CRYBG2: variants seen among roughly 807,000 people sequenced by gnomAD.
The protein encoded by CRYBG2 is beta/gamma crystallin domain-containing protein 2.
Under a neutral mutation model 153.4 loss-of-function variants are expected in CRYBG2, and 106 were observed. That is an observed-to-expected ratio of 0.69 (90% CI 0.59 to 0.81). CRYBG2 has a LOEUF of 0.81. CRYBG2 is among the 30% of genes least tolerant of loss of function. The pLI, the probability that CRYBG2 is intolerant of heterozygous loss-of-function variation, is 0.00. For missense variants in CRYBG2, 1,996 were observed against 2,112.0 expected (o/e 0.95, Z 1.08); for synonymous variants, 851 against 877.8 (o/e 0.97, Z 0.54).
chr1:26,323,218 C>CTA (rs2073881358), intron 18 of CRYBG2, among the ~76,000 whole-genome samples: 1 of 151,930 alleles, frequency 6.6e-6, no homozygotes, highest in East Asian at 1.9e-4. Context: ...GTAGCTGGGA[C>CTA]TACAGGTGCA....
chr1:26,345,511 G>A lies in CRYBG2; in HGVS notation c.1147C>T (p.Leu383Phe), dbSNP rs367765293. The change falls in exon 2 of 20, where the codon CTC becomes TTC. Residue 383 changes from leucine (L) to phenylalanine (F), a missense_variant. Physicochemically the swap from Leu to Phe is conservative, Grantham distance 22 (BLOSUM62 0). Coordinates refer to ENST00000308182, the MANE Select transcript of CRYBG2 (RefSeq NM_001039775.4). ...PVVPTHPGAR[L>F]TPLVLPPKKK... ...TTAGGGGGCAGAACAAGGGGAGTGA[G>A]CCGGGCCCCGGGGTGAGTGGGCACC... 16 of 1,594,870 alleles carry A rather than the reference G, an allele frequency of 1.0e-5. No homozygotes were observed. In the African/African-American group the frequency reaches 2.1e-4, roughly 21 times the overall value.
At chr1:26,337,034 G>A in intron 10 of CRYBG2, 54 bp from the exon 11 acceptor site, 1 of 1,603,882 alleles carries the variant, frequency 6.2e-7, no homozygotes, top group Non-Finnish European at 8.5e-7. Flanking sequence ...AAACCCCTGG[G>A]AGTGCCCAGA....
intron 7 of CRYBG2, 151 bp downstream of exon 7, chr1:26,338,200 C>T: frequency 3.5e-6 from 5 of 1,408,838 alleles, no homozygotes; most frequent in Non-Finnish European, 4.8e-6. Flanking sequence ...CTCCCACTCC[C>T]ATTCCCAATA....
chr1:26,336,651 C>T lies in CRYBG2; in HGVS notation c.3993G>A (p.Trp1331Ter). The T allele has an allele frequency of 3.2e-6, 5 of 1,552,094 alleles. No individual in the cohort carries two copies. The South Asian group carries it at 5.9e-5, about 18-fold the overall frequency. Residue 1331 changes from tryptophan to a stop codon, truncating the protein, a stop_gained, in exon 12 of 20, where the codon TGG becomes TGA. Transcript: ENST00000308182. LOFTEE classifies it high-confidence loss of function. The surrounding 1 kb of genome is among the most constrained non-coding windows in gnomAD (Gnocchi z 4.9). The part of the protein sequence containing the change: ...EKGVYRNCED[W>*]GAGNSTLASL... ...AGGCGAGGGTGCTGTTGCCAGCGCC[C>T]CAGTCCTCGCAGTTACGATACACGC... is the stretch of plus-strand genomic sequence containing the variant.
rs139681994 is a variant in CRYBG2 at position 26,324,277 on chromosome 1, G to A, written c.4612C>T (p.Leu1538=). 24 of 1,610,752 alleles carry A rather than the reference G, an allele frequency of 1.5e-5. No homozygotes were observed. The African/African-American group carries it at 3.2e-4, about 21-fold the overall frequency. Residue 1538 remains leucine (L), a synonymous_variant, in exon 18 of 20, where the codon CTG becomes TTG. Coordinates refer to ENST00000308182, the MANE Select transcript of CRYBG2 (RefSeq NM_001039775.4). ...RVYFRLWNAA[L]GGFLAVPDHV... The stretch of plus-strand genomic sequence containing the variant: ...TCCGGCACTGCCAGGAATCCCCCCA[G>A]TGCTGCATTCCAGAGGCGGAAATAA...
Position 26,338,248 on chromosome 1 carries a change from T to C in CRYBG2, c.3471+103A>G, listed in dbSNP as rs1205184257. Reference sequence around the variant, plus strand: ...AAGCAGTCTCCAAGGGGTGCTGTTTTACACTTCATCCCCCATCCCTTCCCA... The same window carrying C: ...AAGCAGTCTCCAAGGGGTGCTGTTTCACACTTCATCCCCCATCCCTTCCCA... On this transcript the variant is annotated intron_variant, in intron 7 of 19. Transcript: ENST00000308182. The C allele has an allele frequency of 2.0e-6, 3 of 1,510,560 alleles. No individual in the cohort carries two copies. The African/African-American group carries it at 4.2e-5, about 21-fold the overall frequency. The allele number at this position is 1,510,560 out of a possible 1,614,324, so 93.6% of individuals were successfully genotyped here. A position where few individuals can be genotyped will look rare whatever the true frequency, so the allele number is the denominator to read the frequency against.
rs2074227522 is a variant in CRYBG2 at position 26,346,711 on chromosome 1, C to A, written c.-54G>T. 4.1e-6 allele frequency: 6 copies of A among 1,462,146 alleles called. No individual in the cohort carries two copies. Among genetic ancestry groups the A allele is most frequent in the Middle Eastern group, 1.8e-4 (1 of 5,472 alleles). The allele number at this position is 1,462,146 out of a possible 1,614,324, so 90.6% of individuals were successfully genotyped here. ...GTCCTTGTCCCACTGTGGTCCAGCT[C>A]CCTGCAGAGGAATAAGAAAGATGAG... On this transcript the variant is annotated splice_region_variant and 5_prime_UTR_variant, in exon 2 of 20. Transcript: ENST00000308182. The surrounding 1 kb of genome is among the most constrained non-coding windows in gnomAD (Gnocchi z 4.9).
In CRYBG2 at chr1:26,335,258, C is replaced by T. The variant is rs1394699706; in HGVS notation, c.4184+837G>A. 4.0e-5 allele frequency among the ~76,000 whole-genome samples: 6 copies of T among 148,904 alleles called. No homozygotes were observed. In the East Asian group the frequency reaches 1.2e-3, roughly 31 times the overall value. On this transcript the variant is annotated intron_variant, in intron 14 of 19. Transcript: ENST00000308182. ...TTGGGAGGCCGAGGTGGGCGGATCA[C>T]CTGATGTTGGGAATTCAACACCAGC...
In CRYBG2 at chr1:26,345,012, A is replaced by G. The variant is rs761219408; in HGVS notation, c.1646T>C (p.Val549Ala). The change falls in exon 2 of 20, where the codon GTG (valine) becomes GCG (alanine). Residue 549 changes from valine to alanine, a missense_variant. Val to Ala is a moderately conservative substitution (Grantham distance 64, BLOSUM62 0). Transcript: ENST00000308182. ...GGCAGCAGGAGCACCAGGGCCCTTCACAACCTCTTTCCAGGTGGGAAATGA... is the reference window on the plus strand; with the variant it reads ...GGCAGCAGGAGCACCAGGGCCCTTCGCAACCTCTTTCCAGGTGGGAAATGA... ...DASFPTWKEV[V>A]KGPGAPAASS... 8.2e-7 allele frequency: 1 copy of G among 1,218,680 alleles called. No homozygotes were observed. 75.5% of individuals were successfully genotyped at this position (1,218,680 alleles called of 1,614,324 possible).
intron 1 of CRYBG2, among the ~76,000 whole-genome samples, chr1:26,350,579 A>G (rs920961166): frequency 9.2e-5 from 14 of 152,148 alleles, no homozygotes; most frequent in Admixed American, 8.5e-4. Flanking sequence ...CCGAAACAAG[A>G]CTTGAACCCC....
intron 1 of CRYBG2, among the ~76,000 whole-genome samples, chr1:26,348,681 G>A (rs960958194): frequency 2.0e-5 from 3 of 151,846 alleles, no homozygotes; most frequent in Admixed American, 6.6e-5. Flanking sequence ...TCAGCCTCCC[G>A]AGTAGCTGGG....
chr1:26,348,435 C>G (rs6688186), intron 1 of CRYBG2, among the ~76,000 whole-genome samples: 29,790 of 151,986 alleles, frequency 0.2, 2,965 homozygotes, highest in South Asian at 0.23. Context: ...GTGGTGTGTG[C>G]CTGTAGCCCT....
intron 5 of CRYBG2, among the ~76,000 whole-genome samples, chr1:26,342,239 A>G (rs2074140237): frequency 6.6e-6 from 1 of 151,930 alleles, no homozygotes; most frequent in Admixed American, 6.6e-5. Flanking sequence ...AAACTTCCCC[A>G]GGCTGCTTTC....
chr1:26,337,149 G>C, intron 10 of CRYBG2, 104 bp downstream of exon 10: 1 of 1,566,740 alleles, frequency 6.4e-7, no homozygotes, highest in South Asian at 1.2e-5. Context: ...ACACTTACAG[G>C]GAGAACACGG....
At position 26,338,848 on chromosome 1, in the gene CRYBG2, G is replaced by A. The variant is rs537761817; in HGVS notation, c.3345-371C>T. On this transcript the variant is annotated intron_variant, in intron 6 of 19. Coordinates refer to ENST00000308182, the MANE Select transcript of CRYBG2 (RefSeq NM_001039775.4). ...ATGCTGGCTACACTGAAAATTTGAA[G>A]CTTAGCTGTCTCCTCTCTGGGCCTT... Among the ~76,000 whole-genome samples, 7 of 152,306 alleles carry A rather than the reference G, an allele frequency of 4.6e-5. 1 individual carries two copies. In the South Asian group the frequency reaches 1.5e-3, roughly 32 times the overall value.
Position 26,336,559 on chromosome 1 carries a change from C to T in CRYBG2, c.4038+47G>A, listed in dbSNP as rs748268639. 9.7e-6 allele frequency: 15 copies of T among 1,540,976 alleles called. No homozygotes were observed. In the African/African-American group the frequency reaches 1.4e-4, roughly 14 times the overall value. ...GTGGGGGCGGGGCGCACCCGAACTC[C>T]AGGTCCCGCCACCGGGGAGGCCCCG... On this transcript the variant is annotated intron_variant, in intron 12 of 19. Transcript: ENST00000308182. The surrounding 1 kb of genome is among the most constrained non-coding windows in gnomAD (Gnocchi z 4.9).
chr1:26,331,761 G>T, intron 14 of CRYBG2, 143 bp from the exon 15 acceptor site: 1 of 1,137,886 alleles, frequency 8.8e-7, no homozygotes, highest in Non-Finnish European at 1.2e-6. Context: ...CACTACAGCA[G>T]CAGGGAATGA....
At chr1:26,328,402 G>A in intron 16 of CRYBG2, 70 bp from the exon 17 acceptor site, 2 of 1,532,002 alleles carry the variant, frequency 1.3e-6, no homozygotes, top group Admixed American at 3.9e-5. Context: ...GGTGGAGGAG[G>A]AGACACAGAC....
chr1:26,347,380 A>C (rs2074237465), intron 1 of CRYBG2, among the ~76,000 whole-genome samples: 1 of 145,152 alleles, frequency 6.9e-6, no homozygotes, highest in Non-Finnish European at 1.5e-5. Flanking sequence ...TGCAGCCTTG[A>C]ACTCCTGGGC....
Sources: allele counts gnomAD v4.1 joint callset (sites outside exome capture counted in the v4.1 genomes callset), GRCh38; gene constraint gnomAD v4.1.1; non-coding constraint Gnocchi (gnomAD v3.1); transcripts MANE v1.5; gene names NCBI Gene and HGNC (gene_info 2026-07-23, HGNC 2026-07-21).